Variants in IQSEC1 observed in about 807,000 individuals in gnomAD.
The protein encoded by IQSEC1 is IQ motif and SEC7 domain-containing protein 1.
In IQSEC1, 31 loss-of-function variants were observed where a neutral mutation model predicts 91.0. The ratio of observed to expected loss-of-function variants is 0.34; its 90% CI spans 0.26 to 0.46. IQSEC1 has a LOEUF of 0.46. Ranked by LOEUF, IQSEC1 falls within the 20% of genes least tolerant of loss-of-function variation. IQSEC1 has a pLI of 1.00. For synonymous variants in IQSEC1, 699 were observed against 662.6 expected (o/e 1.05, Z -0.84); for missense variants, 1,388 against 1,575.6 (o/e 0.88, Z 2.02).
At chr3:13,118,110 T>G (rs940716746) in intron 2 of IQSEC1, among the ~76,000 whole-genome samples, 1 of 152,160 alleles carries the variant, frequency 6.6e-6, no homozygotes, top group Non-Finnish European at 1.5e-5. Context: ...GGCTATTGAA[T>G]GTCTCCAACA....
At chr3:13,184,498 T>C (rs1403896702) in intron 1 of IQSEC1, among the ~76,000 whole-genome samples, 1 of 152,168 alleles carries the variant, frequency 6.6e-6, no homozygotes. Flanking sequence ...CCAGCTACCT[T>C]TATGGAGAAA....
chr3:13,108,498 A>G (rs1445612395), intron 2 of IQSEC1, among the ~76,000 whole-genome samples: 1 of 151,938 alleles, frequency 6.6e-6, no homozygotes, highest in African/African-American at 2.4e-5. Flanking sequence ...GGCAATGGGC[A>G]TGCACATTCT....
intron 1 of IQSEC1, among the ~76,000 whole-genome samples, chr3:13,000,544 CAGAAGG>C (rs1702378950): frequency 6.6e-6 from 1 of 152,184 alleles, no homozygotes; most frequent in Admixed American, 6.5e-5. Flanking sequence ...TCCACCTGCC[CAGAAGG>C]TCCCTGAAAG....
At chr3:13,068,111 C>T (rs1705296334) in intron 1 of IQSEC1, among the ~76,000 whole-genome samples, 1 of 152,256 alleles carries the variant, frequency 6.6e-6, no homozygotes, top group South Asian at 2.1e-4. Flanking sequence ...AGATGCTGAC[C>T]ATGGGCTGAC....
chr3:13,220,308 T>TA (rs1694633363), intron 1 of IQSEC1, among the ~76,000 whole-genome samples: 1 of 152,174 alleles, frequency 6.6e-6, no homozygotes. Context: ...AATGGTCACA[T>TA]AGGGCCTGTG....
At chr3:12,932,685 G>A (rs144221467) in intron 3 of IQSEC1, among the ~76,000 whole-genome samples, 6 of 152,286 alleles carry the variant, frequency 3.9e-5, no homozygotes, top group East Asian at 3.9e-4. Flanking sequence ...AACATGTTCC[G>A]GGTGCAGGCA....
At chr3:13,116,239 G>A (rs971250181) in intron 2 of IQSEC1, among the ~76,000 whole-genome samples, 2 of 152,198 alleles carry the variant, frequency 1.3e-5, no homozygotes, top group African/African-American at 2.4e-5. Context: ...AGGGGCAGCC[G>A]ATGGGGCCGT....
At chr3:13,156,118 G>A (rs1451612132) in intron 2 of IQSEC1, among the ~76,000 whole-genome samples, 6 of 151,214 alleles carry the variant, frequency 4.0e-5, no homozygotes, top group African/African-American at 1.5e-4. Context: ...TGTAATCCCA[G>A]CTACTCAGGA....
chr3:13,264,892 GTCTC>G (rs770033341), intron 1 of IQSEC1, among the ~76,000 whole-genome samples: 30 of 150,692 alleles, frequency 2.0e-4, no homozygotes, highest in Non-Finnish European at 3.8e-4. Flanking sequence ...GTCTCTCTCT[GTCTC>G]TCTATCACTG....
chr3:13,171,013 T>C (rs1693596732), intron 1 of IQSEC1, among the ~76,000 whole-genome samples: 1 of 151,854 alleles, frequency 6.6e-6, no homozygotes, highest in Non-Finnish European at 1.5e-5. Context: ...GGCAGGAGAA[T>C]AGCTTGAACC....
At chr3:12,991,323 G>A (rs559468742) in intron 1 of IQSEC1, among the ~76,000 whole-genome samples, 16 of 152,284 alleles carry the variant, frequency 1.1e-4, no homozygotes, top group South Asian at 6.2e-4. Flanking sequence ...AGGGCGAGGC[G>A]GGGGCCCAGT....
intron 1 of IQSEC1, among the ~76,000 whole-genome samples, chr3:13,042,659 C>T (rs1415544317): frequency 6.6e-6 from 1 of 152,218 alleles, no homozygotes; most frequent in Non-Finnish European, 1.5e-5. Context: ...CCCTGGGACA[C>T]ACCAAGGCAG....
intron 1 of IQSEC1, chr3:12,960,168 AT>A (rs1700157587): frequency 6.6e-6 from 1 of 152,010 alleles, no homozygotes; most frequent in Non-Finnish European, 1.5e-5. Context: ...AGCAGCTGCC[AT>A]TTACTGAACA....
intron 1 of IQSEC1, among the ~76,000 whole-genome samples, chr3:13,275,813 G>A (rs2125151851): frequency 6.6e-6 from 1 of 152,358 alleles, no homozygotes; most frequent in South Asian, 2.1e-4. Context: ...CCAGGAAGGG[G>A]TGTGAGTAGA....
intron 1 of IQSEC1, among the ~76,000 whole-genome samples, chr3:13,239,505 G>A (rs552349898): frequency 6.6e-6 from 1 of 152,358 alleles, no homozygotes; most frequent in South Asian, 2.1e-4. Flanking sequence ...CCTCCTGGCC[G>A]TGAGGCCCTG....
chr3:12,924,487 G>A lies in IQSEC1; in HGVS notation c.1730+94C>T. 2 of 1,297,546 alleles carry A rather than the reference G, an allele frequency of 1.5e-6. No individual in the cohort carries two copies. The highest frequency in any genetic ancestry group is 1.5e-5 in the South Asian group (1 of 66,312). 80.4% of individuals were successfully genotyped at this position (1,297,546 alleles called of 1,614,324 possible). On this transcript the variant is annotated intron_variant, in intron 4 of 13. Coordinates refer to ENST00000613206, the MANE Select transcript of IQSEC1 (RefSeq NM_001134382.3). The surrounding 1 kb of genome is among the most constrained non-coding windows in gnomAD (Gnocchi z 6.3). ...GCCCACCACATGTCCCAGCAAGTAG[G>A]GTGGGCCTGGCCCTGTGTGTGCCCA...
At chr3:13,144,152 G>T (rs575168099) in intron 2 of IQSEC1, among the ~76,000 whole-genome samples, 2 of 152,294 alleles carry the variant, frequency 1.3e-5, no homozygotes, top group East Asian at 3.9e-4. Flanking sequence ...GTACCCAAAT[G>T]AATCCTCAGG....
At chr3:13,269,641 C>T (rs2125142814) in intron 1 of IQSEC1, among the ~76,000 whole-genome samples, 1 of 152,340 alleles carries the variant, frequency 6.6e-6, no homozygotes. Context: ...TAAAAGTGAT[C>T]CTCCACAGAC....
At chr3:13,230,336 C>A (rs749330934) in intron 1 of IQSEC1, among the ~76,000 whole-genome samples, 25 of 152,138 alleles carry the variant, frequency 1.6e-4, no homozygotes, top group Non-Finnish European at 2.9e-4. Flanking sequence ...TGACCTTGTT[C>A]GATGACAGGA....
Sources: gnomAD v4.1 joint callset for allele counts (sites outside exome capture counted in the v4.1 genomes callset) on GRCh38, gnomAD v4.1.1 for gene constraint, Gnocchi (gnomAD v3.1) non-coding constraint, MANE v1.5 for transcripts, NCBI Gene and HGNC (gene_info 2026-07-23, HGNC 2026-07-21) for gene names.